DEDD: variants seen among roughly 807,000 people sequenced by gnomAD.
DEDD encodes the protein death effector domain containing.
In DEDD, 3 loss-of-function variants were observed where a neutral mutation model predicts 29.2. The ratio of observed to expected loss-of-function variants is 0.10; its 90% CI spans 0.05 to 0.27. The LOEUF (loss-of-function observed/expected upper bound fraction) is 0.27, where lower values mean the gene tolerates loss of function less well. Among genes scored for constraint, DEDD ranks in the 10% least tolerant of loss-of-function variants. The probability of loss-of-function intolerance (pLI) is 1.00; values close to 1 mark genes in which losing one functional copy is unlikely to be tolerated. For synonymous variants in DEDD, 152 were observed against 161.3 expected, an observed-to-expected ratio of 0.94 and a Z score of 0.44; for missense variants, 261 against 420.5, an observed-to-expected ratio of 0.62 and a Z score of 3.32.
Position 161,124,197 on chromosome 1 carries a change from A to G in DEDD, c.266T>C (p.Leu89Pro). 6.2e-7 allele frequency: 1 copy of G among 1,614,236 alleles called. No homozygotes were observed. Among genetic ancestry groups the G allele is most frequent in the Non-Finnish European group, 8.5e-7 (1 of 1,180,048 alleles). ...ESNFRQVLQL[L>P]RIITRHDLLP... ...CAGGTCGTGGCGAGTGATGATGCGC[A>G]GCAGCTGCAGCACCTGGCGAAAGTT... The change falls in exon 3 of 6, where the codon CTG (leucine) becomes CCG (proline). Residue 89 changes from leucine (L) to proline (P), a missense_variant. Around this residue, in one of 2 missense-constraint regions of DEDD, gnomAD observed 203 missense variants for 268.7 expected, o/e 0.76. Transcript: ENST00000368006.
chr1:161,122,463 A>C lies in DEDD; in HGVS notation c.641T>G (p.Val214Gly). The change falls in exon 6 of 6, where the codon GTC (valine) becomes GGC (glycine). Residue 214 changes from valine to glycine, a missense_variant. Val to Gly is a moderately radical substitution (Grantham distance 109). Coordinates refer to ENST00000368006, the MANE Select transcript of DEDD (RefSeq NM_032998.3). The surrounding 1 kb of genome is among the most constrained non-coding windows in gnomAD (Gnocchi z 4.2). ...CQHETALQGN[V>G]FSNKQDPLER... ...AAGTGGGTCCTGCTTGTTAGAGAAG[A>C]CATTGCCCTGCAGAGCAGTCTCATG... The C allele has an allele frequency of 6.2e-7, 1 of 1,614,144 alleles. No homozygotes were observed. Among genetic ancestry groups the C allele is most frequent in the Non-Finnish European group, 8.5e-7 (1 of 1,180,036 alleles).
chr1:161,122,792 C>G lies in DEDD; in HGVS notation c.581-269G>C, dbSNP rs544817821. Among the ~76,000 whole-genome samples, 1 of 152,280 alleles carries G rather than the reference C, an allele frequency of 6.6e-6. No individual in the cohort carries two copies. Among genetic ancestry groups the G allele is most frequent in the Admixed American group, 6.5e-5 (1 of 15,290 alleles). On this transcript the variant is annotated intron_variant, in intron 5 of 5. Transcript: ENST00000368006. The surrounding 1 kb of genome is among the most constrained non-coding windows in gnomAD (Gnocchi z 4.2). The stretch of plus-strand genomic sequence containing the variant: ...TTTATAGGAGATATTTTCCTAATTA[C>G]CAGGCATAGAAGTTCATTTTAATAC...
rs1036847619 is a variant in DEDD at position 161,121,251 on chromosome 1, G to C, written c.*896C>G. On this transcript the variant is annotated 3_prime_UTR_variant, in exon 6 of 6. Transcript: ENST00000368006. Reference sequence around the variant, plus strand: ...GGGAGTGGGCGTAGGAGTGGAGGAGGGGGAAGGAAAAAGGAATTACTTCAC... The same window carrying C: ...GGGAGTGGGCGTAGGAGTGGAGGAGCGGGAAGGAAAAAGGAATTACTTCAC... 41 of 930,200 alleles carry C rather than the reference G, an allele frequency of 4.4e-5. No individual in the cohort carries two copies. In the African/African-American group the frequency reaches 7.0e-4, roughly 16 times the overall value. 57.6% of individuals were successfully genotyped at this position (930,200 alleles called of 1,614,324 possible).
At chr1:161,126,258 G>A (rs921440015) in intron 2 of DEDD, among the ~76,000 whole-genome samples, 1 of 151,392 alleles carries the variant, frequency 6.6e-6, no homozygotes, top group African/African-American at 2.4e-5. Flanking sequence ...TCAGTTAGCT[G>A]TCTGAAGTCC....
intron 3 of DEDD, 32 bp downstream of exon 3, chr1:161,124,106 T>C: frequency 2.5e-6 from 4 of 1,594,938 alleles, no homozygotes; most frequent in Non-Finnish European, 3.4e-6. Context: ...CCCACAACTC[T>C]TCCCTGATTC....
chr1:161,131,761 C>T (rs1299842064), intron 1 of DEDD, among the ~76,000 whole-genome samples: 1 of 152,096 alleles, frequency 6.6e-6, no homozygotes, highest in Non-Finnish European at 1.5e-5. Context: ...TTCCCACCCT[C>T]TTAAAAGCTA....
rs34197267 is a variant in DEDD at position 161,122,024 on chromosome 1, T to TA, written c.*122dup. 0.28 allele frequency: 292,750 copies of TA among 1,059,704 alleles called. 8,312 individuals carry two copies. The highest frequency in any genetic ancestry group is 0.32 in the East Asian group (11,988 of 37,146). 65.6% of individuals were successfully genotyped at this position (1,059,704 alleles called of 1,614,324 possible). A position where few individuals can be genotyped will look rare whatever the true frequency, so the allele number is the denominator to read the frequency against. Reference sequence around the variant, plus strand: ...TTCCACTTTCTTTTGTCTTTTTCTTTAAAAAAAAAAAAAAAAAGGCAGGGG... The same window carrying TA: ...TTCCACTTTCTTTTGTCTTTTTCTTTAAAAAAAAAAAAAAAAAAGGCAGGGG... On this transcript the variant is annotated 3_prime_UTR_variant, in exon 6 of 6. Transcript: ENST00000368006. This position sits in a 1 kb window ranked among gnomAD's most constrained non-coding sequence, Gnocchi z 4.2.
chr1:161,123,707 ATT>A (rs112931699), intron 4 of DEDD, 130 bp downstream of exon 4: 407 of 628,644 alleles, frequency 6.5e-4, no homozygotes, highest in Middle Eastern at 1.5e-3. Context: ...ACCTCGCCTG[ATT>A]TTTTTTTTTT....
At position 161,122,998 on chromosome 1, in the gene DEDD, A is replaced by C; in HGVS notation, c.580+77T>G. 6.2e-7 allele frequency: 1 copy of C among 1,614,076 alleles called. No homozygotes were observed. On this transcript the variant is annotated intron_variant, in intron 5 of 5. Coordinates refer to ENST00000368006, the MANE Select transcript of DEDD (RefSeq NM_032998.3). The surrounding 1 kb of genome is among the most constrained non-coding windows in gnomAD (Gnocchi z 4.2). ...AGTGAATCTCACACTGAATAGCATA[A>C]ACTGCCCAGTGTCCCAGCAGTTCTT...
At chr1:161,129,942 A>C (rs933759294) in intron 2 of DEDD, among the ~76,000 whole-genome samples, 1 of 152,298 alleles carries the variant, frequency 6.6e-6, no homozygotes, top group East Asian at 1.9e-4. Flanking sequence ...TCTTTAGAGA[A>C]GTCCAAGTCA....
chr1:161,129,024 T>A (rs1656408288), intron 2 of DEDD, among the ~76,000 whole-genome samples: 1 of 152,204 alleles, frequency 6.6e-6, no homozygotes, highest in Non-Finnish European at 1.5e-5. Context: ...ATTAGAAATG[T>A]AATCCTCTGC....
Position 161,122,005 on chromosome 1 carries a change from T to C in DEDD, c.*142A>G. 1 of 1,182,892 alleles carries C rather than the reference T, an allele frequency of 8.5e-7. No individual in the cohort carries two copies. Among genetic ancestry groups the C allele is most frequent in the South Asian group, 1.6e-5 (1 of 63,328 alleles). The allele number at this position is 1,182,892 out of a possible 1,614,324, so 73.3% of individuals were successfully genotyped here. On this transcript the variant is annotated 3_prime_UTR_variant, in exon 6 of 6. Coordinates refer to ENST00000368006, the MANE Select transcript of DEDD (RefSeq NM_032998.3). This position sits in a 1 kb window ranked among gnomAD's most constrained non-coding sequence, Gnocchi z 4.2. ...GAGGGGTGGGGAATACCACTTCCAC[T>C]TTCTTTTGTCTTTTTCTTTAAAAAA...
chr1:161,123,896 C>A lies in DEDD; in HGVS notation c.376G>T (p.Val126Leu), dbSNP rs769466281. 2.5e-6 allele frequency: 4 copies of A among 1,614,044 alleles called. No homozygotes were observed. Among genetic ancestry groups the A allele is most frequent in the Non-Finnish European group, 3.4e-6 (4 of 1,180,008 alleles). Residue 126 changes from valine to leucine, a missense_variant, in exon 4 of 6, where the codon GTG (valine) becomes TTG (leucine). Physicochemically the swap from Val to Leu is conservative, Grantham distance 32 (BLOSUM62 1). Coordinates refer to ENST00000368006, the MANE Select transcript of DEDD (RefSeq NM_032998.3). ...KYLEETSIRYVTPRALSDPEP... is the reference protein window; with the variant it reads ...KYLEETSIRYLTPRALSDPEP... ...GGATCACTGAGGGCTCTGGGGGTCA[C>A]ATAGCGAATTGATGTCTCCTCCAGA...
intron 2 of DEDD, among the ~76,000 whole-genome samples, chr1:161,130,384 G>A (rs919054475): frequency 6.6e-6 from 1 of 152,154 alleles, no homozygotes; most frequent in Non-Finnish European, 1.5e-5. Context: ...GAATTACATA[G>A]TATGTTTTCA....
chr1:161,125,518 T>C (rs75590628), intron 2 of DEDD: 1 of 152,178 alleles, frequency 6.6e-6, no homozygotes. Context: ...CTTTTTTTTT[T>C]TGAGATGGAG....
In DEDD at chr1:161,126,896, G is replaced by A. The variant is rs2101755678; in HGVS notation, c.-64-2370C>T. On this transcript the variant is annotated intron_variant, in intron 2 of 5. Transcript: ENST00000368006. ...ACTCCTACTCATTCTTTAAGAGTCA[G>A]CTCAGATGCCATCTTCAAAATGCAT... 2.6e-5 allele frequency among the ~76,000 whole-genome samples: 4 copies of A among 152,078 alleles called. 1 individual carries two copies. In the Middle Eastern group the frequency reaches 0.014, roughly 517 times the overall value.
chr1:161,122,070 G>C lies in DEDD; in HGVS notation c.*77C>G, dbSNP rs984835123. The C allele has an allele frequency of 6.7e-7, 1 of 1,502,338 alleles. No individual in the cohort carries two copies. Among genetic ancestry groups the C allele is most frequent in the African/African-American group, 1.4e-5 (1 of 71,874 alleles). 93.1% of individuals were successfully genotyped at this position (1,502,338 alleles called of 1,614,324 possible). A position where few individuals can be genotyped will look rare whatever the true frequency, so the allele number is the denominator to read the frequency against. Reference sequence around the variant, plus strand: ...AGGGGTGTGATTGGTTGGAAGGGTAGAGAACAAACCCCAGAACAGTGTAAG... The same window carrying C: ...AGGGGTGTGATTGGTTGGAAGGGTACAGAACAAACCCCAGAACAGTGTAAG... On this transcript the variant is annotated 3_prime_UTR_variant, in exon 6 of 6. Coordinates refer to ENST00000368006, the MANE Select transcript of DEDD (RefSeq NM_032998.3). The surrounding 1 kb of genome is among the most constrained non-coding windows in gnomAD (Gnocchi z 4.2).
In DEDD at chr1:161,124,128, A is replaced by G; in HGVS notation, c.325+10T>C. On this transcript the variant is annotated intron_variant, in intron 3 of 5. Transcript: ENST00000368006. The stretch of plus-strand genomic sequence containing the variant: ...CTCTTCCCTGATTCCAGCCCCTAAT[A>G]CTTCCTCACCAGCCCGTCTCCTCTT... 1 of 1,607,214 alleles carries G rather than the reference A, an allele frequency of 6.2e-7. No individual in the cohort carries two copies. Among genetic ancestry groups the G allele is most frequent in the Admixed American group, 1.7e-5 (1 of 59,746 alleles).
intron 1 of DEDD, 97 bp downstream of exon 1, chr1:161,132,454 C>T (rs974548884): frequency 6.4e-6 from 1 of 155,270 alleles, no homozygotes; most frequent in African/African-American, 2.4e-5. Flanking sequence ...ACCGCCTCCC[C>T]CTCCACTTTC....
Sources: gnomAD v4.1 joint callset for allele counts (sites outside exome capture counted in the v4.1 genomes callset) on GRCh38, gnomAD v4.1.1 for gene constraint, gnomAD v4.1.1 regional missense constraint, Gnocchi (gnomAD v3.1) non-coding constraint, MANE v1.5 for transcripts, NCBI Gene and HGNC (gene_info 2026-07-23, HGNC 2026-07-21) for gene names.